MTMR10: variants seen among roughly 807,000 people sequenced by gnomAD.
The protein encoded by MTMR10 is myotubularin related protein 10, also known as myotubularin-related protein 10.
MTMR10 carries 56 observed loss-of-function variants against 88.1 expected under a neutral mutation model. That is an observed-to-expected ratio of 0.64 (90% CI 0.51 to 0.79). MTMR10 has a LOEUF of 0.79. Ranked by LOEUF, MTMR10 falls within the 30% of genes least tolerant of loss-of-function variation. The probability of loss-of-function intolerance (pLI) is 0.00; values close to 1 mark genes in which losing one functional copy is unlikely to be tolerated. For missense variants in MTMR10, 883 were observed against 924.7 expected (o/e 0.95, Z 0.58); for synonymous variants, 380 against 340.9 (o/e 1.11, Z -1.26).
intron 5 of MTMR10, among the ~76,000 whole-genome samples, chr15:30,969,283 T>G (rs1016473436): frequency 6.6e-6 from 1 of 152,096 alleles, no homozygotes; most frequent in Non-Finnish European, 1.5e-5. Flanking sequence ...AACTGCTTCT[T>G]GAAACTTACG....
At chr15:30,942,635 G>T (rs1267554230) in intron 15 of MTMR10, 1 of 447,188 alleles carries the variant, frequency 2.2e-6, no homozygotes, top group African/African-American at 2.0e-5. Flanking sequence ...ATGGATAAAT[G>T]GGGCTTTAGT....
At chr15:30,959,253 C>T (rs2063368906) in intron 7 of MTMR10, 132 bp from the exon 8 acceptor site, 2 of 760,544 alleles carry the variant, frequency 2.6e-6, no homozygotes, top group East Asian at 5.4e-5. Flanking sequence ...ACATGGTGGG[C>T]ACCATGGGGG....
At chr15:30,943,767 C>T in intron 14 of MTMR10, 2 of 985,412 alleles carry the variant, frequency 2.0e-6, no homozygotes, top group Non-Finnish European at 2.4e-6. Context: ...TACAGGGTGA[C>T]AGCCAACCAC....
Position 30,976,810 on chromosome 15 carries a change from A to G in MTMR10, c.258+9T>C, listed in dbSNP as rs1357744493. On this transcript the variant is annotated intron_variant, in intron 3 of 15. Transcript: ENST00000435680. ...TGATAGAATGAAACAGTGTACTAAT[A>G]AAACACACCTGTAATGGCATTGGGT... 5 of 1,610,366 alleles carry G rather than the reference A, an allele frequency of 3.1e-6. No individual in the cohort carries two copies. Among genetic ancestry groups the G allele is most frequent in the Non-Finnish European group, 4.2e-6 (5 of 1,178,832 alleles).
chr15:30,986,374 T>C (rs1230835373), intron 2 of MTMR10, among the ~76,000 whole-genome samples: 1 of 151,674 alleles, frequency 6.6e-6, no homozygotes, highest in Non-Finnish European at 1.5e-5. Context: ...TAATGTTCTC[T>C]GTGTGAGTGC....
At chr15:30,926,968 C>G in the MTMR10 span, 1 of 985,386 alleles carries the variant, frequency 1.0e-6, no homozygotes, top group Non-Finnish European at 1.2e-6. Context: ...AAGTACTGCA[C>G]CAAAAATGAT....
the MTMR10 span, chr15:30,929,292 C>G: frequency 6.2e-7 from 1 of 1,612,976 alleles, no homozygotes; most frequent in Non-Finnish European, 8.5e-7. Context: ...ATGATGCCCC[C>G]GAGGAGAGCC....
At chr15:30,967,113 G>C (rs2063482020) in intron 6 of MTMR10, among the ~76,000 whole-genome samples, 1 of 151,964 alleles carries the variant, frequency 6.6e-6, no homozygotes, top group South Asian at 2.1e-4. Flanking sequence ...TGGGTGAATG[G>C]ATTTTTCATT....
chr15:30,928,201 GTCCCAGCCT>G, the MTMR10 span: 1 of 1,032,068 alleles, frequency 9.7e-7, no homozygotes, highest in African/African-American at 1.7e-5. Context: ...GCCCTGCTAA[GTCCCAGCCT>G]TGGGAACCTG....
At chr15:30,920,179 C>A in the MTMR10 span, among the ~76,000 whole-genome samples, 1 of 152,218 alleles carries the variant, frequency 6.6e-6, no homozygotes, top group Non-Finnish European at 1.5e-5. Flanking sequence ...CAGTTTCATA[C>A]AATTTTCGCA....
chr15:30,962,622 A>G (rs1034720075), intron 6 of MTMR10, among the ~76,000 whole-genome samples: 1 of 152,184 alleles, frequency 6.6e-6, no homozygotes, highest in African/African-American at 2.4e-5. Flanking sequence ...TGAACATGTC[A>G]TGCTCATTCC....
chr15:30,922,497 C>A, the MTMR10 span: 1 of 890,056 alleles, frequency 1.1e-6, no homozygotes. Flanking sequence ...CTGTGTTCTT[C>A]CAACCCCAAA....
intron 6 of MTMR10, among the ~76,000 whole-genome samples, chr15:30,961,968 G>A (rs1433487305): frequency 6.6e-6 from 1 of 152,086 alleles, no homozygotes; most frequent in Non-Finnish European, 1.5e-5. Flanking sequence ...CTGTCCTCAA[G>A]CCCTTCAAAT....
chr15:30,933,456 G>T, the MTMR10 span, among the ~76,000 whole-genome samples: 7 of 152,084 alleles, frequency 4.6e-5, no homozygotes, highest in Non-Finnish European at 1.0e-4. Flanking sequence ...CTATTGATTT[G>T]TAATTTAACT....
intron 9 of MTMR10, among the ~76,000 whole-genome samples, chr15:30,955,359 C>G (rs1033810350): frequency 6.6e-6 from 1 of 152,228 alleles, no homozygotes; most frequent in South Asian, 2.1e-4. Flanking sequence ...CAACCTCCCC[C>G]TCCCGGGTTC....
At chr15:30,980,551 T>C (rs2030497241) in intron 2 of MTMR10, among the ~76,000 whole-genome samples, 1 of 152,200 alleles carries the variant, frequency 6.6e-6, no homozygotes, top group South Asian at 2.1e-4. Context: ...CCTCTGAAAG[T>C]GCTAAAAGCA....
chr15:30,986,373 CTG>C (rs1274440228), intron 2 of MTMR10, among the ~76,000 whole-genome samples: 1 of 151,562 alleles, frequency 6.6e-6, no homozygotes, highest in Non-Finnish European at 1.5e-5. Flanking sequence ...TTAATGTTCT[CTG>C]TGTGAGTGCT....
At chr15:30,988,499 C>G (rs2031098144) in intron 2 of MTMR10, among the ~76,000 whole-genome samples, 1 of 107,790 alleles carries the variant, frequency 9.3e-6, no homozygotes, top group Non-Finnish European at 1.9e-5. Flanking sequence ...TAGAATTTCT[C>G]TAAAAATAAT....
At chr15:30,949,473 A>G (rs1171091193) in intron 12 of MTMR10, 2 of 152,258 alleles carry the variant, frequency 1.3e-5, no homozygotes, top group African/African-American at 2.4e-5. Context: ...AATCCACAAA[A>G]TAACTACTAG....
Sources: allele counts gnomAD v4.1 joint callset (sites outside exome capture counted in the v4.1 genomes callset), GRCh38; gene constraint gnomAD v4.1.1; transcripts MANE v1.5; gene names NCBI Gene and HGNC (gene_info 2026-07-23, HGNC 2026-07-21).